The following ARB2A variants were observed in gnomAD, a reference collection of about 807,000 sequenced individuals.
The protein encoded by ARB2A is cotranscriptional regulator ARB2A.
At chr5:93,852,627 T>C in the ARB2A span, among the ~76,000 whole-genome samples, 5 of 152,210 alleles carry the variant, frequency 3.3e-5, no homozygotes, top group African/African-American at 1.2e-4. Context: ...GAATTAATTT[T>C]TGTATTAGGT....
chr5:93,773,321 C>CT, the ARB2A span, among the ~76,000 whole-genome samples: 1 of 152,170 alleles, frequency 6.6e-6, no homozygotes, highest in Non-Finnish European at 1.5e-5. Flanking sequence ...GATGGGAGCA[C>CT]TATACTGGAT....
chr5:93,924,765 G>C, the ARB2A span, among the ~76,000 whole-genome samples: 1 of 152,136 alleles, frequency 6.6e-6, no homozygotes, highest in Non-Finnish European at 1.5e-5. Context: ...GAGGGTCAGG[G>C]GGAGGGAATA....
the ARB2A span, among the ~76,000 whole-genome samples, chr5:93,625,953 T>C: frequency 6.6e-6 from 1 of 152,228 alleles, no homozygotes; most frequent in Non-Finnish European, 1.5e-5. Flanking sequence ...GATTCAAGTG[T>C]TTCTTATACA....
the ARB2A span, among the ~76,000 whole-genome samples, chr5:93,850,803 GTAAC>G: frequency 2.6e-5 from 4 of 152,040 alleles, no homozygotes; most frequent in African/African-American, 4.8e-5. Context: ...TTTTCATACT[GTAAC>G]TAACTCAGCA....
chr5:93,729,778 CTT>C, the ARB2A span, among the ~76,000 whole-genome samples: 25 of 152,078 alleles, frequency 1.6e-4, no homozygotes, highest in South Asian at 2.1e-4. Context: ...TATGGTGAGT[CTT>C]AGAATGCACA....
At chr5:93,930,660 A>T in the ARB2A span, among the ~76,000 whole-genome samples, 1 of 152,210 alleles carries the variant, frequency 6.6e-6, no homozygotes, top group African/African-American at 2.4e-5. Context: ...CAAGCCTTTC[A>T]ATTGAAGCAC....
chr5:93,975,780 TA>T, the ARB2A span, among the ~76,000 whole-genome samples: 1 of 151,930 alleles, frequency 6.6e-6, no homozygotes, highest in South Asian at 2.1e-4. Flanking sequence ...ATCAGTAATT[TA>T]AAAAAACTAC....
At chr5:93,683,347 C>G in the ARB2A span, 1 of 1,604,068 alleles carries the variant, frequency 6.2e-7, no homozygotes, top group Non-Finnish European at 8.5e-7. Context: ...CATCTTCTGA[C>G]TCTGCATCTT....
the ARB2A span, among the ~76,000 whole-genome samples, chr5:94,087,730 T>C: frequency 2.0e-5 from 3 of 152,214 alleles, no homozygotes; most frequent in East Asian, 1.9e-4. Flanking sequence ...TTTTTAAAAA[T>C]ATTTCATGCT....
chr5:93,959,050 T>C, the ARB2A span: 1 of 873,894 alleles, frequency 1.1e-6, no homozygotes, highest in Non-Finnish European at 1.6e-6. Flanking sequence ...TAATGGCTGT[T>C]ACAAAGTATT....
the ARB2A span, among the ~76,000 whole-genome samples, chr5:93,779,114 T>TGTGG: frequency 2.7e-5 from 4 of 148,642 alleles, no homozygotes; most frequent in African/African-American, 7.4e-5. Flanking sequence ...TGTGTGTGTG[T>TGTGG]GTGTGTGTGT....
At chr5:93,806,815 T>C in the ARB2A span, among the ~76,000 whole-genome samples, 8 of 152,072 alleles carry the variant, frequency 5.3e-5, no homozygotes, top group East Asian at 1.5e-3. Flanking sequence ...ATCACTGATG[T>C]CATGTTTTTC....
the ARB2A span, among the ~76,000 whole-genome samples, chr5:93,948,380 T>A: frequency 6.6e-6 from 1 of 152,246 alleles, no homozygotes; most frequent in African/African-American, 2.4e-5. Flanking sequence ...TGTAAATTTG[T>A]TTGAGTTCAC....
the ARB2A span, among the ~76,000 whole-genome samples, chr5:94,032,863 T>A: frequency 6.6e-6 from 1 of 152,324 alleles, no homozygotes; most frequent in Admixed American, 6.5e-5. Flanking sequence ...GGAAGGAACA[T>A]TTATGATAAA....
chr5:93,869,918 C>T, the ARB2A span, among the ~76,000 whole-genome samples: 17 of 152,244 alleles, frequency 1.1e-4, no homozygotes, highest in African/African-American at 4.1e-4. Flanking sequence ...GCTCAGCCCG[C>T]CTGCGCCCAG....
At chr5:93,995,046 C>T in the ARB2A span, among the ~76,000 whole-genome samples, 1 of 152,030 alleles carries the variant, frequency 6.6e-6, no homozygotes, top group Non-Finnish European at 1.5e-5. Flanking sequence ...ATTATCAAAA[C>T]TTACCACACA....
the ARB2A span, among the ~76,000 whole-genome samples, chr5:94,087,633 C>A: frequency 2.0e-5 from 3 of 152,142 alleles, no homozygotes; most frequent in African/African-American, 7.2e-5. Flanking sequence ...ATGTCCTAGG[C>A]CTTCACATTC....
At chr5:93,885,762 T>C in the ARB2A span, among the ~76,000 whole-genome samples, 81 of 151,832 alleles carry the variant, frequency 5.3e-4, 1 homozygote, top group African/African-American at 1.7e-3. Context: ...GTATTAACTA[T>C]GGGATCTTAA....
chr5:93,942,863 G>A, the ARB2A span, among the ~76,000 whole-genome samples: 1 of 152,104 alleles, frequency 6.6e-6, no homozygotes. Context: ...ACATGTGTAA[G>A]TGTACTTTTT....
Sources: allele counts gnomAD v4.1 joint callset (sites outside exome capture counted in the v4.1 genomes callset), GRCh38; gene constraint gnomAD v4.1.1; transcripts MANE v1.5; gene names NCBI Gene and HGNC (gene_info 2026-07-23, HGNC 2026-07-21).